Variants in EHD2 observed in about 807,000 individuals in gnomAD.
The protein encoded by EHD2 is EH domain containing 2.
In EHD2, 27 loss-of-function variants were observed where a neutral mutation model predicts 41.0. The ratio of observed to expected loss-of-function variants is 0.66; its 90% CI spans 0.49 to 0.91. The LOEUF is 0.91. EHD2 is among the 40% of genes least tolerant of loss of function. The pLI, the probability that EHD2 is intolerant of heterozygous loss-of-function variation, is 0.00. For synonymous variants in EHD2, 342 were observed against 341.0 expected, an observed-to-expected ratio of 1.00 and a Z score of -0.03; for missense variants, 673 against 773.9, an observed-to-expected ratio of 0.87 and a Z score of 1.55.
chr19:47,725,396 C>CAAAAAAAAAA lies in EHD2; in HGVS notation c.503-402_503-393dup, dbSNP rs10676405. Among the ~76,000 whole-genome samples the CAAAAAAAAAA allele has an allele frequency of 1.0e-3, 74 of 74,260 alleles. 1 individual carries two copies. Among genetic ancestry groups the CAAAAAAAAAA allele is most frequent in the African/African-American group, 4.1e-3 (68 of 16,618 alleles). 48.7% of individuals were successfully genotyped at this position (74,260 alleles called of 152,430 possible). A position where few individuals can be genotyped will look rare whatever the true frequency, so the allele number is the denominator to read the frequency against. On this transcript the variant is annotated intron_variant, in intron 3 of 5. Transcript: ENST00000263277. ...AACATAGTGAGATCCCATCTCTACTCAAAAAAAAAAAAAAAAAAAAAAATT... is the reference window on the plus strand; with the variant it reads ...AACATAGTGAGATCCCATCTCTACTCAAAAAAAAAAAAAAAAAAAAAAAAAAAAAAAAATT...
Position 47,718,299 on chromosome 19 carries a change from G to C in EHD2, c.405-210G>C, listed in dbSNP as rs564142686. On this transcript the variant is annotated intron_variant, in intron 2 of 5. Coordinates refer to ENST00000263277, the MANE Select transcript of EHD2 (RefSeq NM_014601.4). ...AAAAAAAAAAAAAAAAAAAAGAACA[G>C]TACCTGGCACAAATTAAGTGCTCAC... 2.1e-5 allele frequency among the ~76,000 whole-genome samples: 3 copies of C among 145,658 alleles called. No homozygotes were observed. In the South Asian group the frequency reaches 6.5e-4, roughly 32 times the overall value.
chr19:47,735,441 A>G (rs1667391765), intron 4 of EHD2, among the ~76,000 whole-genome samples: 1 of 152,066 alleles, frequency 6.6e-6, no homozygotes, highest in Non-Finnish European at 1.5e-5. Flanking sequence ...CTTGTCAGAA[A>G]TGCAAATTCC....
At chr19:47,725,782 T>C (rs1184312497) in intron 3 of EHD2, 30 bp from the exon 4 acceptor site, 1 of 1,552,146 alleles carries the variant, frequency 6.4e-7, no homozygotes, top group Non-Finnish European at 8.7e-7. Context: ...TTCTGCCCCT[T>C]GCGCCCCTGT....
At chr19:47,733,444 C>T (rs867136224) in intron 4 of EHD2, among the ~76,000 whole-genome samples, 13 of 151,782 alleles carry the variant, frequency 8.6e-5, no homozygotes, top group African/African-American at 2.7e-4. Context: ...AAGACTGAGG[C>T]GGGCGGATCA....
intron 3 of EHD2, among the ~76,000 whole-genome samples, chr19:47,723,300 T>C (rs961852724): frequency 7.9e-5 from 12 of 152,202 alleles, no homozygotes; most frequent in Non-Finnish European, 1.2e-4. Context: ...TGCTGAGTGC[T>C]TACCGTACAT....
chr19:47,738,915 T>C (rs10405280), intron 5 of EHD2, among the ~76,000 whole-genome samples: 103,791 of 151,928 alleles, frequency 0.68, 35,603 homozygotes, highest in South Asian at 0.72. Flanking sequence ...TGACGCCAAG[T>C]CCACCCCTAC....
At chr19:47,731,797 T>TC (rs1272323574) in intron 4 of EHD2, among the ~76,000 whole-genome samples, 39 of 148,554 alleles carry the variant, frequency 2.6e-4, no homozygotes, top group Non-Finnish European at 4.6e-4. Flanking sequence ...TTTTTTTTTT[T>TC]TTTTTTTTGA....
Position 47,726,018 on chromosome 19 carries a change from A to C in EHD2, c.709A>C (p.Met237Leu). ...GCTGATGCGCGTCTACGGCGCGCTC[A>C]TGTGGGCGCTGGGCAAGGTGGTGGG... ...QQLMRVYGAL[M>L]WALGKVVGTP... The change falls in exon 4 of 6, where the codon ATG (methionine) becomes CTG (leucine). Residue 237 changes from methionine (M) to leucine (L), a missense_variant. Transcript: ENST00000263277. 1.2e-6 allele frequency: 2 copies of C among 1,602,140 alleles called. No individual in the cohort carries two copies. The highest frequency in any genetic ancestry group is 1.7e-5 in the Admixed American group (1 of 58,412).
rs1201269445 is a variant in EHD2 at position 47,736,356 on chromosome 19, A to G, written c.916-13A>G. 5 of 1,605,958 alleles carry G rather than the reference A, an allele frequency of 3.1e-6. No individual in the cohort carries two copies. Among genetic ancestry groups the G allele is most frequent in the Non-Finnish European group, 4.2e-6 (5 of 1,176,942 alleles). ...GACCCTGATGCAGGCTGAGGTGAGAACCCTTCCCACAGGTTCACGCTTACA... is the reference window on the plus strand; with the variant it reads ...GACCCTGATGCAGGCTGAGGTGAGAGCCCTTCCCACAGGTTCACGCTTACA... On this transcript the variant is annotated splice_polypyrimidine_tract_variant and intron_variant, in intron 4 of 5. Coordinates refer to ENST00000263277, the MANE Select transcript of EHD2 (RefSeq NM_014601.4).
chr19:47,735,097 G>C (rs940915615), intron 4 of EHD2, among the ~76,000 whole-genome samples: 5 of 152,092 alleles, frequency 3.3e-5, no homozygotes, highest in African/African-American at 9.7e-5. Context: ...TAGATTTCTG[G>C]CCTCAACTGG....
chr19:47,734,738 C>G (rs564891955), intron 4 of EHD2, among the ~76,000 whole-genome samples: 1 of 146,248 alleles, frequency 6.8e-6, no homozygotes, highest in African/African-American at 2.6e-5. Flanking sequence ...GAGTGAGACT[C>G]CCTTTCAAAA....
rs1162524294 is a variant in EHD2, at chr19:47,719,720, C to T, written c.502+1114C>T. On this transcript the variant is annotated intron_variant, in intron 3 of 5. Transcript: ENST00000263277. The surrounding 1 kb of genome is among the most constrained non-coding windows in gnomAD (Gnocchi z 4.1). ...GAAAGGCAGGAGGCAGCTGCAGAAA[C>T]GATTGGGAGGACACGCTGCCAGCTG... Among the ~76,000 whole-genome samples, 13 of 152,050 alleles carry T rather than the reference C, an allele frequency of 8.5e-5. No homozygotes were observed. The highest frequency in any genetic ancestry group is 1.0e-4 in the Non-Finnish European group (7 of 67,994).
chr19:47,722,015 CA>C (rs1973701914), intron 3 of EHD2, among the ~76,000 whole-genome samples: 1 of 80,702 alleles, frequency 1.2e-5, no homozygotes, highest in African/African-American at 6.0e-5. Flanking sequence ...ACAAAACACA[CA>C]CACACACACA....
At chr19:47,730,688 G>T (rs1450202455) in intron 4 of EHD2, among the ~76,000 whole-genome samples, 3 of 152,096 alleles carry the variant, frequency 2.0e-5, no homozygotes, top group Non-Finnish European at 2.9e-5. Context: ...GAATCCTCTG[G>T]CTCTAAGTCC....
At chr19:47,736,132 G>A (rs1237081020) in intron 4 of EHD2, among the ~76,000 whole-genome samples, 3 of 152,142 alleles carry the variant, frequency 2.0e-5, no homozygotes, top group Non-Finnish European at 2.9e-5. Context: ...GGAGGCGGAG[G>A]TTGCAGTGAG....
rs1040987680 is a variant in EHD2 at position 47,719,647 on chromosome 19, C to T, written c.502+1041C>T. Among the ~76,000 whole-genome samples, 8 of 151,922 alleles carry T rather than the reference C, an allele frequency of 5.3e-5. No homozygotes were observed. The highest frequency in any genetic ancestry group is 1.2e-4 in the Non-Finnish European group (8 of 67,934). On this transcript the variant is annotated intron_variant, in intron 3 of 5. Transcript: ENST00000263277. This position sits in a 1 kb window ranked among gnomAD's most constrained non-coding sequence, Gnocchi z 4.1. ...GGCTGGGCCTGGGGTGGGGTGGGGACGCTGGGGGTGACCATGTCTCTGGCT... is the reference window on the plus strand; with the variant it reads ...GGCTGGGCCTGGGGTGGGGTGGGGATGCTGGGGGTGACCATGTCTCTGGCT...
intron 3 of EHD2, among the ~76,000 whole-genome samples, chr19:47,722,038 AC>A: frequency 6.6e-6 from 1 of 150,440 alleles, no homozygotes. Flanking sequence ...ACACACACAC[AC>A]ACACACACAC....
At chr19:47,726,342 G>C (rs1391065518) in intron 4 of EHD2, 118 bp downstream of exon 4, 1 of 1,254,530 alleles carries the variant, frequency 8.0e-7, no homozygotes, top group Non-Finnish European at 1.1e-6. Context: ...TCTTGAAGTT[G>C]GGTCATTCTG....
chr19:47,728,436 C>G (rs1322572356), intron 4 of EHD2, among the ~76,000 whole-genome samples: 1 of 152,120 alleles, frequency 6.6e-6, no homozygotes, highest in Non-Finnish European at 1.5e-5. Context: ...ATGAATATAA[C>G]TTCCCCCATA....
Sources: allele counts gnomAD v4.1 joint callset (sites outside exome capture counted in the v4.1 genomes callset), GRCh38; gene constraint gnomAD v4.1.1; non-coding constraint Gnocchi (gnomAD v3.1); transcripts MANE v1.5; gene names NCBI Gene and HGNC (gene_info 2026-07-23, HGNC 2026-07-21).